Variants in MED21 observed in about 807,000 individuals in gnomAD.
MED21 encodes mediator of RNA polymerase II transcription subunit 21.
Under a neutral mutation model 18.2 loss-of-function variants are expected in MED21, and 9 were observed. The ratio of observed to expected loss-of-function variants is 0.49; its 90% CI spans 0.30 to 0.86. The LOEUF is 0.86. Ranked by LOEUF, MED21 falls within the 40% of genes least tolerant of loss-of-function variation. The pLI is 0.07. For synonymous variants in MED21, 73 were observed against 60.5 expected, an observed-to-expected ratio of 1.21 and a Z score of -0.96; for missense variants, 150 against 170.9, an observed-to-expected ratio of 0.88 and a Z score of 0.68.
intron 2 of MED21, among the ~76,000 whole-genome samples, chr12:27,036,430 C>T (rs1185446604): frequency 6.6e-6 from 1 of 152,166 alleles, no homozygotes; most frequent in Non-Finnish European, 1.5e-5. Flanking sequence ...TGTGCAGAAG[C>T]TCTTTAGTTT....
At chr12:27,030,971 G>A (rs190677479), downstream of MED21, among the ~76,000 whole-genome samples, 532 of 152,242 alleles carry the variant, frequency 3.5e-3, 2 homozygotes, top group Admixed American at 6.1e-3. Flanking sequence ...GCAATGGCAC[G>A]ATCTTGGCTC....
intron 1 of MED21, 122 bp downstream of exon 1, chr12:27,022,743 T>G: frequency 6.4e-7 from 1 of 1,572,724 alleles, no homozygotes; most frequent in Non-Finnish European, 8.6e-7. Flanking sequence ...GGCTTCGGCA[T>G]AAAGCGCTCT....
chr12:27,031,371 A>T (rs1356538343), downstream of MED21, among the ~76,000 whole-genome samples: 1 of 152,152 alleles, frequency 6.6e-6, no homozygotes, highest in African/African-American at 2.4e-5. Flanking sequence ...GTGAGTGAGT[A>T]AGTTATGTAT....
At chr12:27,023,107 T>G (rs1941494383) in intron 1 of MED21, among the ~76,000 whole-genome samples, 1 of 151,886 alleles carries the variant, frequency 6.6e-6, no homozygotes, top group Non-Finnish European at 1.5e-5. Context: ...CGCTTTCAGG[T>G]TGGTGCGGGA....
At chr12:27,025,019 CTG>C (rs1941525454) in intron 1 of MED21, among the ~76,000 whole-genome samples, 1 of 152,142 alleles carries the variant, frequency 6.6e-6, no homozygotes, top group Non-Finnish European at 1.5e-5. Context: ...CACTATGTCT[CTG>C]TAGTGTTTAT....
chr12:27,027,498 TAAAG>T (rs758207020), intron 3 of MED21, 51 bp downstream of exon 3: 44 of 1,356,516 alleles, frequency 3.2e-5, no homozygotes, highest in Non-Finnish European at 3.8e-5. Flanking sequence ...AATTTTGAAT[TAAAG>T]GAGGTAGATT....
Position 27,028,738 on chromosome 12 carries a change from T to C in MED21, c.*277T>C. 3 of 1,062,978 alleles carry C rather than the reference T, an allele frequency of 2.8e-6. No homozygotes were observed. Among genetic ancestry groups the C allele is most frequent in the Non-Finnish European group, 3.4e-6 (3 of 876,310 alleles). 65.8% of individuals were successfully genotyped at this position (1,062,978 alleles called of 1,614,324 possible). On this transcript the variant is annotated 3_prime_UTR_variant, in exon 4 of 4. Coordinates refer to ENST00000282892, the MANE Select transcript of MED21 (RefSeq NM_004264.5). ...AATGAACATAATATAAGGAAACATA[T>C]GTAAAATTCTGTTATGACATAATTT...
intron 2 of MED21, chr12:27,037,576 A>T (rs1430415681): frequency 1.3e-5 from 2 of 152,344 alleles, no homozygotes; most frequent in African/African-American, 4.8e-5. Context: ...GAAAAATAGC[A>T]AATTAGAGAC....
At chr12:27,038,561 A>C (rs1268589769) in intron 2 of MED21, 1 of 152,220 alleles carries the variant, frequency 6.6e-6, no homozygotes, top group African/African-American at 2.4e-5. Context: ...AAAAGTAATC[A>C]AGATATTCAT....
At chr12:27,032,076 A>AC (rs1207814206), downstream of MED21, among the ~76,000 whole-genome samples, 1 of 152,106 alleles carries the variant, frequency 6.6e-6, no homozygotes, top group Admixed American at 6.6e-5. Context: ...TTCTTCTTTT[A>AC]CCCATATCTA....
chr12:27,025,114 CTG>C (rs1941526808), intron 1 of MED21, among the ~76,000 whole-genome samples: 9 of 152,148 alleles, frequency 5.9e-5, no homozygotes, highest in Admixed American at 5.9e-4. Flanking sequence ...AAGATAGACA[CTG>C]TGTTGAATAT....
chr12:27,023,415 T>A (rs904510936), intron 1 of MED21, among the ~76,000 whole-genome samples: 2 of 125,848 alleles, frequency 1.6e-5, no homozygotes, highest in Non-Finnish European at 3.9e-5. Flanking sequence ...TTCTCCTGTC[T>A]GAGCCAAAGT....
intron 1 of MED21, among the ~76,000 whole-genome samples, chr12:27,023,359 G>A (rs192405364): frequency 1.3e-3 from 176 of 140,516 alleles, no homozygotes; most frequent in Non-Finnish European, 1.9e-3. Context: ...GAGTGCAGTG[G>A]CGCGATCTCT....
chr12:27,035,532 C>T (rs1365614854), downstream of MED21, among the ~76,000 whole-genome samples: 2 of 149,610 alleles, frequency 1.3e-5, no homozygotes, highest in Non-Finnish European at 3.0e-5. Context: ...TGGTGTGCTG[C>T]ACCCGTTAAC....
At chr12:27,035,652 C>T (rs61920364), downstream of MED21, among the ~76,000 whole-genome samples, 48,571 of 142,804 alleles carry the variant, frequency 0.34, 9,593 homozygotes, top group Non-Finnish European at 0.47. Flanking sequence ...TGTGTTCTCA[C>T]TGTTGAATTC....
chr12:27,035,776 G>T (rs1259946382), intron 2 of MED21, among the ~76,000 whole-genome samples: 1 of 151,644 alleles, frequency 6.6e-6, no homozygotes, highest in African/African-American at 2.4e-5. Flanking sequence ...ACTCATCATT[G>T]TTTATGGCTG....
chr12:27,028,166 T>C, intron 3 of MED21, 119 bp from the exon 4 acceptor site: 1 of 1,270,966 alleles, frequency 7.9e-7, no homozygotes. Context: ...ATTTTTAGAA[T>C]TTCTTTACTG....
At chr12:27,038,370 C>CA (rs956850747) in intron 2 of MED21, 3 of 150,134 alleles carry the variant, frequency 2.0e-5, no homozygotes, top group East Asian at 3.9e-4. Context: ...ATGCGTATAA[C>CA]AAAAAAATTA....
At chr12:27,034,773 G>A (rs913421665), downstream of MED21, among the ~76,000 whole-genome samples, 1 of 152,068 alleles carries the variant, frequency 6.6e-6, no homozygotes, top group South Asian at 2.1e-4. Flanking sequence ...TTTTGGAAAC[G>A]GAGTTTCGCG....
Sources: gnomAD v4.1 joint callset for allele counts (sites outside exome capture counted in the v4.1 genomes callset) on GRCh38, gnomAD v4.1.1 for gene constraint, MANE v1.5 for transcripts, NCBI Gene and HGNC (gene_info 2026-07-23, HGNC 2026-07-21) for gene names.